Variants in PAM observed in about 807,000 individuals in gnomAD.
The protein encoded by PAM is peptidyl-glycine alpha-amidating monooxygenase.
In PAM, 72 loss-of-function variants were observed where a neutral mutation model predicts 122.1. The ratio of observed to expected loss-of-function variants is 0.59; its 90% CI spans 0.49 to 0.72. The LOEUF is 0.72. PAM is among the 30% of genes least tolerant of loss of function. The pLI is 0.00. For synonymous variants in PAM, 389 were observed against 404.4 expected, an observed-to-expected ratio of 0.96 and a Z score of 0.46; for missense variants, 1,106 against 1,183.7, an observed-to-expected ratio of 0.93 and a Z score of 0.96.
In PAM at chr5:102,917,554, C is replaced by T. The variant is rs112955973; in HGVS notation, c.356+3533C>T. Among the ~76,000 whole-genome samples, 386 of 152,262 alleles carry T rather than the reference C, an allele frequency of 2.5e-3. 3 individuals carry two copies. Among genetic ancestry groups the T allele is most frequent in the African/African-American group, 8.6e-3 (359 of 41,564 alleles). ...AGGAAAGAAGAAAAAGCTATTTTAA[C>T]ATCAAAATGTCAAACTTGGATTTCC... On this transcript the variant is annotated intron_variant, in intron 5 of 25. Coordinates refer to ENST00000438793, the MANE Select transcript of PAM (RefSeq NM_001177306.2).
intron 3 of PAM, among the ~76,000 whole-genome samples, chr5:102,876,046 C>A (rs933143067): frequency 1.6e-4 from 25 of 151,926 alleles, no homozygotes; most frequent in Admixed American, 6.6e-4. Context: ...AACAAGAGTT[C>A]TCTTATTTGG....
chr5:102,759,446 T>A (rs915822721), intron 1 of PAM, among the ~76,000 whole-genome samples: 5 of 152,146 alleles, frequency 3.3e-5, no homozygotes, highest in Admixed American at 2.0e-4. Flanking sequence ...ATCTGGAGAA[T>A]CCAAGCTGTC....
intron 1 of PAM, among the ~76,000 whole-genome samples, chr5:102,848,607 G>C (rs1468968347): frequency 6.6e-6 from 1 of 152,200 alleles, no homozygotes; most frequent in East Asian, 1.9e-4. Flanking sequence ...TTTTAGGGAG[G>C]TGTCTGGAGA....
intron 1 of PAM, among the ~76,000 whole-genome samples, chr5:102,780,027 A>G (rs1175959521): frequency 6.6e-6 from 1 of 151,220 alleles, no homozygotes; most frequent in Non-Finnish European, 1.5e-5. Context: ...AGTTCCAGAA[A>G]CAAATAATTT....
chr5:102,822,385 C>CGAGCACAT (rs1277164786), intron 1 of PAM, among the ~76,000 whole-genome samples: 5 of 152,112 alleles, frequency 3.3e-5, no homozygotes, highest in Non-Finnish European at 7.3e-5. Context: ...ATCCCACCGA[C>CGAGCACAT]GAGCACATAC....
intron 1 of PAM, among the ~76,000 whole-genome samples, chr5:102,803,245 G>A (rs1336432203): frequency 6.6e-6 from 1 of 151,494 alleles, no homozygotes; most frequent in Non-Finnish European, 1.5e-5. Flanking sequence ...GAAAAGTAAT[G>A]CACTCAACTT....
chr5:103,010,921 G>C (rs1353160631), intron 21 of PAM, among the ~76,000 whole-genome samples: 1 of 152,020 alleles, frequency 6.6e-6, no homozygotes, highest in Non-Finnish European at 1.5e-5. Flanking sequence ...TTTATCCTTT[G>C]TGTTACAACA....
intron 7 of PAM, among the ~76,000 whole-genome samples, chr5:102,935,809 G>T (rs560346410): frequency 6.6e-6 from 1 of 152,214 alleles, no homozygotes; most frequent in South Asian, 2.1e-4. Context: ...TCTAGATCAG[G>T]ATTTCTCAAA....
chr5:102,892,201 G>A (rs1794962042), intron 3 of PAM, among the ~76,000 whole-genome samples: 2 of 151,774 alleles, frequency 1.3e-5, no homozygotes, highest in African/African-American at 4.8e-5. Flanking sequence ...TTGTGACAAC[G>A]ACATACTGAA....
chr5:102,902,337 T>C lies in PAM; in HGVS notation c.268+924T>C, dbSNP rs1188793301. ...TTATAGACCTGCAAAGCCAGAGCAA[T>C]GTGCATTTTTTATTCACACACATTG... On this transcript the variant is annotated intron_variant, in intron 4 of 25. Coordinates refer to ENST00000438793, the MANE Select transcript of PAM (RefSeq NM_001177306.2). Among the ~76,000 whole-genome samples the C allele has an allele frequency of 2.0e-5, 3 of 151,732 alleles. No individual in the cohort carries two copies. In the South Asian group the frequency reaches 6.2e-4, roughly 31 times the overall value.
intron 1 of PAM, among the ~76,000 whole-genome samples, chr5:102,765,997 T>G (rs904209168): frequency 1.3e-5 from 2 of 152,040 alleles, no homozygotes; most frequent in Non-Finnish European, 2.9e-5. Flanking sequence ...TCAACCCATA[T>G]CGGCATGATA....
intron 3 of PAM, chr5:102,873,869 T>G (rs1323805012): frequency 6.6e-6 from 1 of 152,200 alleles, no homozygotes; most frequent in Non-Finnish European, 1.5e-5. Context: ...CTTCTATTTT[T>G]TTTCTCCTTT....
intron 1 of PAM, among the ~76,000 whole-genome samples, chr5:102,791,176 G>A (rs560145107): frequency 3.3e-4 from 50 of 152,000 alleles, no homozygotes; most frequent in Non-Finnish European, 6.2e-4. Flanking sequence ...ATGACACTCT[G>A]ATGAAAATAC....
chr5:102,946,823 A>T lies in PAM; in HGVS notation c.527-14A>T. The stretch of plus-strand genomic sequence containing the variant: ...TATCATATTTAAGATATGTGTTTCT[A>T]TGTGTGTTTTCAGATAATAACAAGG... On this transcript the variant is annotated splice_polypyrimidine_tract_variant and intron_variant, in intron 7 of 25. Transcript: ENST00000438793. 1.3e-6 allele frequency: 2 copies of T among 1,526,840 alleles called. No homozygotes were observed. Among genetic ancestry groups the T allele is most frequent in the South Asian group, 2.3e-5 (2 of 88,320 alleles). The allele number at this position is 1,526,840 out of a possible 1,614,324, so 94.6% of individuals were successfully genotyped here. A position where few individuals can be genotyped will look rare whatever the true frequency, so the allele number is the denominator to read the frequency against.
At chr5:102,957,355 G>A (rs1049792727) in intron 12 of PAM, among the ~76,000 whole-genome samples, 8 of 151,990 alleles carry the variant, frequency 5.3e-5, no homozygotes, top group African/African-American at 1.9e-4. Flanking sequence ...AAGGAGCCCG[G>A]TCAGATTCAT....
intron 3 of PAM, among the ~76,000 whole-genome samples, chr5:102,884,936 C>T (rs974259507): frequency 6.6e-6 from 1 of 151,870 alleles, no homozygotes; most frequent in African/African-American, 2.4e-5. Context: ...CTCCCACCCT[C>T]AGCGAATCCA....
chr5:102,929,622 C>A (rs571191485), intron 7 of PAM, among the ~76,000 whole-genome samples: 4 of 152,164 alleles, frequency 2.6e-5, no homozygotes, highest in Admixed American at 1.3e-4. Flanking sequence ...TTTTTCCACA[C>A]AGGGAATGTT....
At chr5:102,876,279 C>G (rs992425483) in intron 3 of PAM, among the ~76,000 whole-genome samples, 51 of 152,200 alleles carry the variant, frequency 3.4e-4, no homozygotes, top group African/African-American at 1.1e-3. Flanking sequence ...GCACCATCCT[C>G]TCTTTCCTGG....
At chr5:102,863,594 G>A (rs1581081352) in intron 1 of PAM, among the ~76,000 whole-genome samples, 1 of 145,562 alleles carries the variant, frequency 6.9e-6, no homozygotes, top group African/African-American at 2.5e-5. Context: ...ACTCCAGTAT[G>A]TATTATAATC....
Sources: allele counts gnomAD v4.1 joint callset (sites outside exome capture counted in the v4.1 genomes callset), GRCh38; gene constraint gnomAD v4.1.1; transcripts MANE v1.5; gene names NCBI Gene and HGNC (gene_info 2026-07-23, HGNC 2026-07-21).